Variants in ARFGEF3 observed in about 807,000 individuals in gnomAD.
ARFGEF3 encodes the protein brefeldin A-inhibited guanine nucleotide-exchange protein 3.
ARFGEF3 carries 96 observed loss-of-function variants against 221.7 expected under a neutral mutation model. The observed-to-expected ratio is 0.43, with a 90% CI of 0.37 to 0.51. The LOEUF (loss-of-function observed/expected upper bound fraction) is 0.51. ARFGEF3 is among the 20% of genes least tolerant of loss of function. The probability of loss-of-function intolerance (pLI) is 0.00; values close to 1 mark genes in which losing one functional copy is unlikely to be tolerated. For synonymous variants in ARFGEF3, 1,145 were observed against 1,126.8 expected, an observed-to-expected ratio of 1.02 and a Z score of -0.32; for missense variants, 2,410 against 2,789.9, an observed-to-expected ratio of 0.86 and a Z score of 3.07.
intron 2 of ARFGEF3, among the ~76,000 whole-genome samples, chr6:138,175,671 T>C (rs770699145): frequency 5.9e-5 from 9 of 152,248 alleles, no homozygotes; most frequent in Non-Finnish European, 1.2e-4. Flanking sequence ...AACCAAGTAA[T>C]ATCATAAGAC....
intron 26 of ARFGEF3, among the ~76,000 whole-genome samples, chr6:138,316,710 G>C (rs1225810663): frequency 6.6e-6 from 1 of 152,178 alleles, no homozygotes; most frequent in African/African-American, 2.4e-5. Flanking sequence ...AGAGGTACCA[G>C]GGACTGGAGC....
intron 3 of ARFGEF3, among the ~76,000 whole-genome samples, chr6:138,209,690 C>T (rs754901535): frequency 6.6e-6 from 1 of 152,136 alleles, no homozygotes; most frequent in Non-Finnish European, 1.5e-5. Flanking sequence ...CCTCATGACC[C>T]GCCCACCTCA....
At chr6:138,245,463 G>A (rs371718497) in intron 7 of ARFGEF3, 50 bp from the exon 8 acceptor site, 33 of 1,307,734 alleles carry the variant, frequency 2.5e-5, no homozygotes, top group South Asian at 9.9e-5. Flanking sequence ...CAGGGAGCTC[G>A]TCGTGCCCCC....
At chr6:138,224,908 T>A (rs1285006243) in intron 4 of ARFGEF3, among the ~76,000 whole-genome samples, 1 of 152,240 alleles carries the variant, frequency 6.6e-6, no homozygotes, top group Non-Finnish European at 1.5e-5. Context: ...CTCCAAAGCA[T>A]GTTACTTCAT....
At chr6:138,220,642 TC>T (rs1240979650) in intron 4 of ARFGEF3, among the ~76,000 whole-genome samples, 1 of 152,242 alleles carries the variant, frequency 6.6e-6, no homozygotes, top group Non-Finnish European at 1.5e-5. Context: ...ATAAGTCTTT[TC>T]CACTCAACCT....
chr6:138,276,806 C>T (rs1036915926), intron 12 of ARFGEF3, among the ~76,000 whole-genome samples: 2 of 152,146 alleles, frequency 1.3e-5, no homozygotes, highest in Non-Finnish European at 2.9e-5. Context: ...GCTGGGACTA[C>T]AGGCATGCGC....
chr6:138,296,700 G>C, intron 20 of ARFGEF3, 110 bp from the exon 21 acceptor site: 4 of 1,315,668 alleles, frequency 3.0e-6, no homozygotes, highest in Non-Finnish European at 4.2e-6. Context: ...AGCCAATATC[G>C]AATTACCCTA....
chr6:138,214,298 C>G (rs1382795914), intron 4 of ARFGEF3, among the ~76,000 whole-genome samples: 1 of 152,180 alleles, frequency 6.6e-6, no homozygotes, highest in Admixed American at 6.5e-5. Flanking sequence ...TTAATTTAGT[C>G]TTGGCACTTC....
intron 2 of ARFGEF3, among the ~76,000 whole-genome samples, chr6:138,195,232 G>C (rs1436938951): frequency 1.3e-5 from 2 of 151,928 alleles, no homozygotes; most frequent in Admixed American, 1.3e-4. Context: ...TTGAACTCCT[G>C]ACCTCAGATG....
At chr6:138,304,558 G>T (rs1457164589) in intron 22 of ARFGEF3, among the ~76,000 whole-genome samples, 1 of 152,146 alleles carries the variant, frequency 6.6e-6, no homozygotes, top group Non-Finnish European at 1.5e-5. Context: ...AAAATTCTTT[G>T]GAAAAGTTTG....
chr6:138,165,163 CATG>C (rs1305553868), intron 1 of ARFGEF3, among the ~76,000 whole-genome samples: 9 of 150,162 alleles, frequency 6.0e-5, no homozygotes, highest in African/African-American at 2.2e-4. Flanking sequence ...CTGAGACCCT[CATG>C]AGAGAGAGAG....
intron 6 of ARFGEF3, among the ~76,000 whole-genome samples, chr6:138,240,926 CG>C (rs1180189797): frequency 3.9e-5 from 6 of 152,114 alleles, no homozygotes; most frequent in African/African-American, 1.4e-4. Flanking sequence ...TTTTCTAGCA[CG>C]GCCTATCACT....
chr6:138,220,201 C>T (rs1012183567), intron 4 of ARFGEF3, among the ~76,000 whole-genome samples: 2 of 152,050 alleles, frequency 1.3e-5, no homozygotes, highest in East Asian at 1.9e-4. Flanking sequence ...CAAGGTTTTG[C>T]CATGTTTCCC....
rs777333205 is a variant in ARFGEF3, at chr6:138,253,949, C to T, written c.735C>T (p.Ser245=). Residue 245 remains serine (S), a synonymous_variant, in exon 9 of 34, where the codon TCC becomes TCT. Coordinates refer to ENST00000251691, the MANE Select transcript of ARFGEF3 (RefSeq NM_020340.5). ...CTGTGCTCAGCAGCTCCTCCTCCTCCATGCACCTGCACAGGCGCTTCACGG... is the reference window on the plus strand; with the variant it reads ...CTGTGCTCAGCAGCTCCTCCTCCTCTATGCACCTGCACAGGCGCTTCACGG... ...ILSVLSSSSS[S]MHLHRRFTDL... is the part of the protein sequence containing the mutation. The T allele has an allele frequency of 2.1e-5, 33 of 1,597,600 alleles. No homozygotes were observed. The highest frequency in any genetic ancestry group is 2.6e-5 in the Non-Finnish European group (31 of 1,172,470).
At chr6:138,286,351 G>A (rs1212804989) in intron 15 of ARFGEF3, among the ~76,000 whole-genome samples, 3 of 151,716 alleles carry the variant, frequency 2.0e-5, no homozygotes, top group Admixed American at 6.6e-5. Context: ...TCAGGAGGCT[G>A]AGGCAAGAGA....
chr6:138,313,418 G>T (rs778614548), intron 25 of ARFGEF3, among the ~76,000 whole-genome samples: 1 of 152,286 alleles, frequency 6.6e-6, no homozygotes, highest in East Asian at 1.9e-4. Context: ...TATCTCATTT[G>T]CCTGTGGACT....
chr6:138,289,916 G>A lies in ARFGEF3; in HGVS notation c.2995G>A (p.Val999Ile), dbSNP rs767067169. 9.3e-6 allele frequency: 15 copies of A among 1,613,744 alleles called. No individual in the cohort carries two copies. Among genetic ancestry groups the A allele is most frequent in the African/African-American group, 5.3e-5 (4 of 74,928 alleles). ...HVLCMEAILS[V>I]GLEMGSHNPD... ...CTTGTGCATGGAGGCCATCCTCAGC[G>A]TAGGCCTGGAGATGGGAAGCCACAA... is the stretch of plus-strand genomic sequence containing the variant. The change falls in exon 18 of 34, where the codon GTA becomes ATA. Residue 999 changes from valine (V) to isoleucine (I), a missense_variant. Val to Ile is a conservative substitution (Grantham distance 29). This residue lies in a region of ARFGEF3 where 594 missense variants were observed against 734.3 expected (regional missense o/e 0.81). Coordinates refer to ENST00000251691, the MANE Select transcript of ARFGEF3 (RefSeq NM_020340.5).
At position 138,253,875 on chromosome 6, in the gene ARFGEF3, T is replaced by C. The variant is rs1365282132; in HGVS notation, c.666-5T>C. On this transcript the variant is annotated splice_region_variant and splice_polypyrimidine_tract_variant and intron_variant, in intron 8 of 33. Coordinates refer to ENST00000251691, the MANE Select transcript of ARFGEF3 (RefSeq NM_020340.5). ...TGCATTTGTGTCGGTTCTGCTCTTC[T>C]GCAGTGACAGCCAGCAGCTGCAGCT... is the stretch of plus-strand genomic sequence containing the variant. The C allele has an allele frequency of 1.9e-6, 3 of 1,569,810 alleles. No individual in the cohort carries two copies. The highest frequency in any genetic ancestry group is 2.6e-6 in the Non-Finnish European group (3 of 1,156,462).
intron 12 of ARFGEF3, among the ~76,000 whole-genome samples, chr6:138,264,949 G>A (rs1187347911): frequency 1.3e-5 from 2 of 149,932 alleles, no homozygotes; most frequent in African/African-American, 4.9e-5. Flanking sequence ...TGTCACCCAG[G>A]CTGGAGTCCA....
Sources: allele counts gnomAD v4.1 joint callset (sites outside exome capture counted in the v4.1 genomes callset), GRCh38; gene constraint gnomAD v4.1.1; regional missense constraint gnomAD v4.1.1; transcripts MANE v1.5; gene names NCBI Gene and HGNC (gene_info 2026-07-23, HGNC 2026-07-21).